PCNT: variants seen among roughly 807,000 people sequenced by gnomAD.
The protein encoded by PCNT is pericentrin.
Under a neutral mutation model 380.4 loss-of-function variants are expected in PCNT, and 319 were observed. The ratio of observed to expected loss-of-function variants is 0.84; its 90% confidence interval spans 0.77 to 0.92. The LOEUF is 0.92. Among genes scored for constraint, PCNT ranks in the 40% least tolerant of loss-of-function variants. The pLI is 0.00. For synonymous variants in PCNT, 1,845 were observed against 1,735.2 expected (o/e 1.06, Z -1.57); for missense variants, 4,400 against 4,255.3 (o/e 1.03, Z -0.95).
chr21:46,337,177 A>G (rs1342657560), intron 3 of PCNT, among the ~76,000 whole-genome samples: 1 of 151,892 alleles, frequency 6.6e-6, no homozygotes. Context: ...GGGTTTCACC[A>G]TGTTGGTCAG....
Position 46,372,250 on chromosome 21 carries a change from C to T in PCNT, c.3165+5111C>T, listed in dbSNP as rs569985907. Among the ~76,000 whole-genome samples, 5 of 152,024 alleles carry T rather than the reference C, an allele frequency of 3.3e-5. No homozygotes were observed. The East Asian group carries it at 7.8e-4, about 24-fold the overall frequency. The stretch of plus-strand genomic sequence containing the variant: ...TGCACACACAGCACATGCACATACA[C>T]AGCACATGTGCACGTGTAGCACATG... On this transcript the variant is annotated intron_variant, in intron 15 of 46. Transcript: ENST00000359568.
intron 14 of PCNT, among the ~76,000 whole-genome samples, chr21:46,365,054 G>T (rs936890155): frequency 1.3e-5 from 2 of 152,240 alleles, no homozygotes; most frequent in Non-Finnish European, 2.9e-5. Context: ...GACTCTCCCT[G>T]CCTCTGTCTT....
chr21:46,404,680 G>T lies in PCNT; in HGVS notation c.5115+2197G>T, dbSNP rs1163988739. The stretch of plus-strand genomic sequence containing the variant: ...TTAATTTTATCAGTTGGGCACGGTG[G>T]CTCAAACGCCTGTATTCTCAGCACT... On this transcript the variant is annotated intron_variant, in intron 27 of 46. Coordinates refer to ENST00000359568, the MANE Select transcript of PCNT (RefSeq NM_006031.6). Among the ~76,000 whole-genome samples, 3 of 152,164 alleles carry T rather than the reference G, an allele frequency of 2.0e-5. No individual in the cohort carries two copies. In the East Asian group the frequency reaches 5.8e-4, roughly 29 times the overall value.
chr21:46,398,855 A>G (rs1461339374), intron 24 of PCNT, among the ~76,000 whole-genome samples: 1 of 130,298 alleles, frequency 7.7e-6, no homozygotes, highest in East Asian at 2.2e-4. Flanking sequence ...AGTCTCATGC[A>G]GTTGCCCAGG....
intron 1 of PCNT, among the ~76,000 whole-genome samples, chr21:46,326,010 G>A (rs2146233822): frequency 6.6e-6 from 1 of 152,332 alleles, no homozygotes; most frequent in South Asian, 2.1e-4. Flanking sequence ...GGGCAAGAAG[G>A]GAGAGATTTA....
At chr21:46,360,134 G>C (rs2084651728) in intron 13 of PCNT, among the ~76,000 whole-genome samples, 1 of 151,222 alleles carries the variant, frequency 6.6e-6, no homozygotes, top group Non-Finnish European at 1.5e-5. Context: ...TGGGATTACA[G>C]ATGTGAGCCA....
At chr21:46,444,527 T>C (rs531434285) in intron 45 of PCNT, among the ~76,000 whole-genome samples, 167 bp from the exon 46 acceptor site, 1 of 152,316 alleles carries the variant, frequency 6.6e-6, no homozygotes, top group South Asian at 2.1e-4. Context: ...GTGACACTTT[T>C]TGTAATGAGG....
chr21:46,349,297 A>G lies in PCNT; in HGVS notation c.1207+111A>G, dbSNP rs1420943721. 6.3e-6 allele frequency: 6 copies of G among 950,560 alleles called. No homozygotes were observed. The South Asian group carries it at 6.6e-5, about 10-fold the overall frequency. 58.9% of individuals were successfully genotyped at this position (950,560 alleles called of 1,614,324 possible). ...TCATTGCGCACGTTTCCTACCTTCT[A>G]AATGCTGGATGGCCCCATGCACGTG... On this transcript the variant is annotated intron_variant, in intron 7 of 46. Transcript: ENST00000359568.
At chr21:46,426,072 T>TC (rs1488933446) in intron 33 of PCNT, 101 bp downstream of exon 33, 45 of 788,044 alleles carry the variant, frequency 5.7e-5, no homozygotes, top group Admixed American at 1.2e-4. Context: ...TTTCTTTCTT[T>TC]TTTTTTTTTT....
rs141921044 is a variant in PCNT, at chr21:46,340,674, C to A, written c.640-5454C>A. Reference sequence around the variant, plus strand: ...TTTGGAGGTGCAGTGAGCCTATCCACTTTGTTTTTTATTGAGATGGAGTCT... The same window carrying A: ...TTTGGAGGTGCAGTGAGCCTATCCAATTTGTTTTTTATTGAGATGGAGTCT... On this transcript the variant is annotated intron_variant, in intron 3 of 46. Transcript: ENST00000359568. Among the ~76,000 whole-genome samples, 81 of 152,204 alleles carry A rather than the reference C, an allele frequency of 5.3e-4. 1 individual carries two copies. Among genetic ancestry groups the A allele is most frequent in the Admixed American group, 1.2e-3 (18 of 15,272 alleles).
intron 1 of PCNT, chr21:46,324,989 A>AG (rs5844266): frequency 1 from 985,365 of 985,506 alleles, 492,612 homozygotes; most frequent in East Asian, 1. Context: ...GGCCTGGCGT[A>AG]CGCTGCCGGG....
At chr21:46,415,865 G>T (rs2087007049) in intron 29 of PCNT, among the ~76,000 whole-genome samples, 1 of 152,152 alleles carries the variant, frequency 6.6e-6, no homozygotes, top group South Asian at 2.1e-4. Context: ...GCAGAAATAG[G>T]TTATGACAGT....
chr21:46,351,832 C>T (rs2084284605), intron 9 of PCNT, among the ~76,000 whole-genome samples: 2 of 152,326 alleles, frequency 1.3e-5, no homozygotes, highest in South Asian at 4.1e-4. Flanking sequence ...GAAAGCTTAC[C>T]AGTGGTGCTG....
chr21:46,367,256 T>C (rs1221722050), intron 15 of PCNT, 117 bp downstream of exon 15: 3 of 834,980 alleles, frequency 3.6e-6, no homozygotes, highest in Non-Finnish European at 5.8e-6. Context: ...GGTGTCTGTG[T>C]GTCTCACAGG....
chr21:46,386,491 G>A (rs2085841219), intron 17 of PCNT, among the ~76,000 whole-genome samples: 1 of 152,228 alleles, frequency 6.6e-6, no homozygotes. Flanking sequence ...GCCTGTGCCT[G>A]GGTAGCTGCA....
intron 27 of PCNT, among the ~76,000 whole-genome samples, chr21:46,409,215 GTCTC>G (rs1291671239): frequency 2.5e-5 from 3 of 120,692 alleles, no homozygotes; most frequent in Admixed American, 9.5e-5. Context: ...TTTTGACAGA[GTCTC>G]TCTCTGTTGC....
intron 3 of PCNT, among the ~76,000 whole-genome samples, chr21:46,337,433 C>A (rs1432513817): frequency 2.0e-5 from 3 of 152,178 alleles, no homozygotes; most frequent in Non-Finnish European, 4.4e-5. Flanking sequence ...CAACTGTTTT[C>A]CAAGGTTACT....
At chr21:46,362,542 AT>A (rs375769407) in intron 13 of PCNT, among the ~76,000 whole-genome samples, 2 of 152,094 alleles carry the variant, frequency 1.3e-5, no homozygotes, top group Non-Finnish European at 2.9e-5. Context: ...TAATAACTTA[AT>A]TTTTAAATAA....
intron 4 of PCNT, 33 bp downstream of exon 4, chr21:46,346,241 A>C (rs760891616): frequency 7.4e-7 from 1 of 1,354,904 alleles, no homozygotes. Context: ...GGCTCACAGC[A>C]TGGGCTCTGT....
Sources: allele counts gnomAD v4.1 joint callset (sites outside exome capture counted in the v4.1 genomes callset), GRCh38; gene constraint gnomAD v4.1.1; transcripts MANE v1.5; gene names NCBI Gene and HGNC (gene_info 2026-07-23, HGNC 2026-07-21).